CLK1: variants seen among roughly 807,000 people sequenced by gnomAD.
CLK1 encodes the protein dual specificity protein kinase CLK1.
In CLK1, 40 loss-of-function variants were observed where a neutral mutation model predicts 60.9. The ratio of observed to expected loss-of-function variants is 0.66; its 90% CI spans 0.51 to 0.86. The LOEUF (loss-of-function observed/expected upper bound fraction) is 0.86, where lower values mean the gene tolerates loss of function less well. Among genes scored for constraint, CLK1 ranks in the 40% least tolerant of loss-of-function variants. The pLI, the probability that CLK1 is intolerant of heterozygous loss-of-function variation, is 0.00. For synonymous variants in CLK1, 203 were observed against 184.4 expected (o/e 1.10, Z -0.82); for missense variants, 563 against 606.1 (o/e 0.93, Z 0.75).
intron 1 of CLK1, among the ~76,000 whole-genome samples, chr2:200,863,833 G>C (rs938298471): frequency 1.3e-5 from 2 of 152,094 alleles, no homozygotes. Context: ...TAGCCTGGGC[G>C]ACAGAGCGAG....
At position 200,854,633 on chromosome 2, in the gene CLK1, A is replaced by G. The variant is rs1438170897; in HGVS notation, c.1203T>C (p.His401=). The stretch of plus-strand genomic sequence containing the variant: ...AAACGTACCTGGTTTTCTGTATCAT[A>G]TGTTTTGGTAGAGGTCCAAGAATCC... ...MERILGPLPK[H]MIQKTRKRKY... The change falls in exon 11 of 13, where the codon CAT becomes CAC. Residue 401 remains histidine (H), a synonymous_variant. Coordinates refer to ENST00000321356, the MANE Select transcript of CLK1 (RefSeq NM_004071.4). The G allele has an allele frequency of 6.3e-7, 1 of 1,599,128 alleles. No homozygotes were observed.
rs774172295 is a variant in CLK1, at chr2:200,853,371, T to C, written c.1390A>G (p.Lys464Glu). 20 of 1,613,364 alleles carry C rather than the reference T, an allele frequency of 1.2e-5. No individual in the cohort carries two copies. In the South Asian group the frequency reaches 1.3e-4, roughly 11 times the overall value. The stretch of plus-strand genomic sequence containing the variant: ...AAGGCTTCTCTGAGAGTAATTCTTT[T>C]GGCTGGATCATACTCCAACATTTTC... ...IQKMLEYDPA[K>E]RITLREALKH... The change falls in exon 13 of 13, where the codon AAA becomes GAA. Residue 464 changes from lysine to glutamate, a missense_variant. Coordinates refer to ENST00000321356, the MANE Select transcript of CLK1 (RefSeq NM_004071.4).
At position 200,856,745 on chromosome 2, in the gene CLK1, C is replaced by G; in HGVS notation, c.994G>C (p.Asp332His). ...KVVDFGSATY[D>H]DEHHSTLVST... ...ACCAATGTACTGTGATGTTCGTCAT[C>G]ATATGTTGCACTACCAAAGTCTACA... Residue 332 changes from aspartate (D) to histidine (H), a missense_variant, in exon 9 of 13, where the codon GAT becomes CAT. Around this residue, in one of 3 missense-constraint regions of CLK1, gnomAD observed 360 missense variants for 407.0 expected, o/e 0.88. Coordinates refer to ENST00000321356, the MANE Select transcript of CLK1 (RefSeq NM_004071.4). The G allele has an allele frequency of 6.2e-7, 1 of 1,613,390 alleles. No homozygotes were observed. The highest frequency in any genetic ancestry group is 8.5e-7 in the Non-Finnish European group (1 of 1,179,746).
intron 1 of CLK1, among the ~76,000 whole-genome samples, chr2:200,862,443 T>A (rs886335830): frequency 1.2e-4 from 18 of 152,186 alleles, no homozygotes; most frequent in East Asian, 1.9e-4. Context: ...TTAAGAAGGT[T>A]CTTTGTAATT....
Position 200,853,404 on chromosome 2 carries a change from G to A in CLK1, c.1357C>T (p.Leu453Phe), listed in dbSNP as rs1237720513. The change falls in exon 13 of 13, where the codon CTC becomes TTC. Residue 453 changes from leucine to phenylalanine, a missense_variant. By Grantham distance (22) the Leu-to-Phe change is conservative. Around this residue, in one of 3 missense-constraint regions of CLK1, gnomAD observed 360 missense variants for 407.0 expected, o/e 0.88. Transcript: ENST00000321356. ...TCATACTCCAACATTTTCTGAATGA[G>A]GTCAAAGAGACGCTCATGTTCAACA... ...QDVEHERLFD[L>F]IQKMLEYDPA... is the part of the protein sequence containing the mutation. 6.2e-7 allele frequency: 1 copy of A among 1,612,218 alleles called. No homozygotes were observed. The highest frequency in any genetic ancestry group is 1.3e-5 in the African/African-American group (1 of 74,786).
At chr2:200,857,281 G>C (rs959452686) in intron 7 of CLK1, 21 of 326,064 alleles carry the variant, frequency 6.4e-5, no homozygotes, top group Non-Finnish European at 1.1e-4. Context: ...ACTTCAGCCT[G>C]AACAACAAAG....
intron 1 of CLK1, chr2:200,864,108 A>G: frequency 1.1e-5 from 17 of 1,550,038 alleles, no homozygotes; most frequent in Non-Finnish European, 1.5e-5. Flanking sequence ...TACTCCAGAC[A>G]ACGTTTCCCC....
At chr2:200,854,355 G>A (rs1307235682) in intron 11 of CLK1, among the ~76,000 whole-genome samples, 1 of 152,020 alleles carries the variant, frequency 6.6e-6, no homozygotes, top group East Asian at 1.9e-4. Flanking sequence ...CTAACATGGT[G>A]AAACCTTGTC....
At chr2:200,858,892 T>C (rs1011855006) in intron 5 of CLK1, among the ~76,000 whole-genome samples, 3 of 151,240 alleles carry the variant, frequency 2.0e-5, no homozygotes, top group African/African-American at 7.3e-5. Context: ...AGAAATTTCA[T>C]GGCTGGAGCC....
chr2:200,861,266 TG>T lies in CLK1; in HGVS notation c.361del (p.His121ThrfsTer21). 1 of 1,614,216 alleles carries T rather than the reference TG, an allele frequency of 6.2e-7. No homozygotes were observed. The highest frequency in any genetic ancestry group is 8.5e-7 in the Non-Finnish European group (1 of 1,180,028). On this transcript the variant is annotated frameshift_variant, in exon 3 of 13. Transcript: ENST00000321356. LOFTEE classifies it high-confidence loss of function. ...SSYKSKHRIH[H>X]STSHRRSHGK... is the part of the protein sequence containing the mutation. ...ATGTGAACGACGATGTGAAGTACTGTGGTGAATCCTGTGTTTGCTTTTATAA... is the reference window on the plus strand; with the variant it reads ...ATGTGAACGACGATGTGAAGTACTGTGTGAATCCTGTGTTTGCTTTTATAA...
At chr2:200,862,656 C>T (rs2039159730) in intron 1 of CLK1, among the ~76,000 whole-genome samples, 1 of 152,216 alleles carries the variant, frequency 6.6e-6, no homozygotes, top group African/African-American at 2.4e-5. Context: ...CTTTAGTGGT[C>T]TCTTCACAGA....
Position 200,861,750 on chromosome 2 carries a change from G to A in CLK1, c.113C>T (p.Ala38Val), listed in dbSNP as rs767967648. 31 of 1,613,908 alleles carry A rather than the reference G, an allele frequency of 1.9e-5. No homozygotes were observed. The highest frequency in any genetic ancestry group is 2.5e-5 in the Non-Finnish European group (29 of 1,180,000). ...HKRRKRSHSS[A>V]QENKRCKYNH... ...GTATTTGCAGCGCTTGTTCTCCTGG[G>A]CACTGCTATGTGATCTCTTCCTTCT... Residue 38 changes from alanine to valine, a missense_variant, in exon 2 of 13, where the codon GCC becomes GTC. By Grantham distance (64) the Ala-to-Val change is moderately conservative. This residue lies in a region of CLK1 where 198 missense variants were observed against 179.2 expected (regional missense o/e 1.10). Transcript: ENST00000321356.
Position 200,855,003 on chromosome 2 carries a change from C to T in CLK1, c.1140+1G>A. On this transcript the variant is annotated splice_donor_variant, in intron 10 of 12. Coordinates refer to ENST00000321356, the MANE Select transcript of CLK1 (RefSeq NM_004071.4). LOFTEE classifies it high-confidence loss of function. Reference sequence around the variant, plus strand: ...GGTTGAAATAGATCATTGTCACTTACTGGAAATACGGTAAACCCAAGATAG... The same window carrying T: ...GGTTGAAATAGATCATTGTCACTTATTGGAAATACGGTAAACCCAAGATAG... 6.2e-7 allele frequency: 1 copy of T among 1,603,184 alleles called. No homozygotes were observed. Among genetic ancestry groups the T allele is most frequent in the South Asian group, 1.1e-5 (1 of 88,346 alleles).
Position 200,856,712 on chromosome 2 carries a change from T to A in CLK1, c.1027A>T (p.Arg343Ter). The A allele has an allele frequency of 6.2e-7, 1 of 1,609,658 alleles. No individual in the cohort carries two copies. The highest frequency in any genetic ancestry group is 8.5e-7 in the Non-Finnish European group (1 of 1,178,390). Residue 343 changes from arginine to a stop codon, truncating the protein, a stop_gained, in exon 9 of 13, where the codon AGA (arginine) becomes TGA (stop). Transcript: ENST00000321356. LOFTEE classifies it high-confidence loss of function. ...DEHHSTLVST[R>*]HYRAPEVILA... The stretch of plus-strand genomic sequence containing the variant: ...ATAACTTCAGGTGCTCTATAATGTC[T>A]TGTAGATACCAATGTACTGTGATGT...
chr2:200,853,816 G>C (rs1167699576), intron 12 of CLK1, 87 bp downstream of exon 12: 1 of 1,036,522 alleles, frequency 9.6e-7, no homozygotes, highest in East Asian at 2.6e-5. Flanking sequence ...CTCTACTCCA[G>C]CCTGGACAAC....
rs1321077101 is a variant in CLK1 at position 200,859,718 on chromosome 2, T to C, written c.510A>G (p.Gly170=). The change falls in exon 5 of 13, where the codon GGA becomes GGG. Residue 170 remains glycine, a synonymous_variant. Transcript: ENST00000321356. ...TGCACTCCACAACTTTTCCAAAAGC[T>C]CCTTCACCTAAAGTATCAACAATTT... ...RYEIVDTLGE[G]AFGKVVECID... is the part of the protein sequence containing the mutation. The C allele has an allele frequency of 6.2e-7, 1 of 1,613,648 alleles. No homozygotes were observed. Among genetic ancestry groups the C allele is most frequent in the East Asian group, 2.2e-5 (1 of 44,806 alleles).
At chr2:200,857,436 T>C (rs2039062165) in intron 7 of CLK1, 1 of 303,194 alleles carries the variant, frequency 3.3e-6, no homozygotes, top group Non-Finnish European at 6.1e-6. Flanking sequence ...ATGAGATATA[T>C]CACGCCTTAA....
intron 7 of CLK1, 180 bp downstream of exon 7, chr2:200,857,538 C>T (rs1575077824): frequency 1.9e-6 from 1 of 513,100 alleles, no homozygotes; most frequent in Non-Finnish European, 3.4e-6. Context: ...TGGTGGATAT[C>T]CTACTTGCTG....
chr2:200,857,489 AAGTCTAAATCAT>A, intron 7 of CLK1: 1 of 385,216 alleles, frequency 2.6e-6, no homozygotes, highest in East Asian at 4.2e-5. Flanking sequence ...CGCATCAGAA[AAGTCTAAATCAT>A]AGTCTGCAAC....
Sources: allele counts gnomAD v4.1 joint callset (sites outside exome capture counted in the v4.1 genomes callset), GRCh38; gene constraint gnomAD v4.1.1; regional missense constraint gnomAD v4.1.1; transcripts MANE v1.5; gene names NCBI Gene and HGNC (gene_info 2026-07-23, HGNC 2026-07-21).